The following OR2L3 variants were observed in gnomAD, a reference collection of about 807,000 sequenced individuals.
OR2L3 encodes olfactory receptor 2L3.
For synonymous variants in OR2L3, 131 were observed against 139.1 expected (o/e 0.94, Z 0.41); for missense variants, 369 against 376.6 (o/e 0.98, Z 0.17).
At chr1:248,056,385 G>A (rs1169690681) in intron 1 of OR2L3, among the ~76,000 whole-genome samples, 1 of 151,728 alleles carries the variant, frequency 6.6e-6, no homozygotes, top group Admixed American at 6.6e-5. Context: ...TATTTCTTGT[G>A]TTCTGCTAGT....
At chr1:248,058,744 A>T (rs76289694) in intron 1 of OR2L3, among the ~76,000 whole-genome samples, 24,754 of 151,906 alleles carry the variant, frequency 0.16, 2,206 homozygotes, top group East Asian at 0.27. Flanking sequence ...GAAAATTTTT[A>T]AAGAATATTA....
Position 248,063,309 on chromosome 1 carries a change from C to T in OR2L3, c.*1689C>T, listed in dbSNP as rs570075314. The T allele has an allele frequency of 5.3e-5, 8 of 152,342 alleles. No homozygotes were observed. Among genetic ancestry groups the T allele is most frequent in the South Asian group, 4.1e-4 (2 of 4,832 alleles). The allele number at this position is 152,342 out of a possible 1,614,324, so 9.4% of individuals were successfully genotyped here. A position where few individuals can be genotyped will look rare whatever the true frequency, so the allele number is the denominator to read the frequency against. ...TTCTAGTGTTCTCTTCCATGACTACCGTTAACGGTAAAGTATTACATAGTG... is the reference window on the plus strand; with the variant it reads ...TTCTAGTGTTCTCTTCCATGACTACTGTTAACGGTAAAGTATTACATAGTG... On this transcript the variant is annotated 3_prime_UTR_variant, in exon 2 of 2. Transcript: ENST00000359959.
chr1:248,048,919 C>CTTTT (rs1452819134), intron 1 of OR2L3, among the ~76,000 whole-genome samples: 2 of 138,194 alleles, frequency 1.4e-5, no homozygotes, highest in African/African-American at 6.4e-5. Flanking sequence ...CCTTTTCTCT[C>CTTTT]TCTCTTTTTT....
intron 1 of OR2L3, among the ~76,000 whole-genome samples, chr1:248,057,596 T>G (rs2103120937): frequency 6.6e-6 from 1 of 152,172 alleles, no homozygotes; most frequent in East Asian, 1.9e-4. Flanking sequence ...TGTTGACATC[T>G]TAACAGTATT....
intron 1 of OR2L3, among the ~76,000 whole-genome samples, chr1:248,058,260 A>AT (rs1174406533): frequency 1.3e-5 from 2 of 152,192 alleles, no homozygotes; most frequent in Non-Finnish European, 2.9e-5. Context: ...GTTTTCCCTC[A>AT]TATTTGTCCA....
chr1:248,057,847 G>A (rs1385167201), intron 1 of OR2L3, among the ~76,000 whole-genome samples: 1 of 152,086 alleles, frequency 6.6e-6, no homozygotes, highest in Non-Finnish European at 1.5e-5. Context: ...GTTGCATCCT[G>A]TAATTTTGCT....
chr1:248,052,952 AT>A (rs1453408035), intron 1 of OR2L3, among the ~76,000 whole-genome samples: 3 of 150,262 alleles, frequency 2.0e-5, no homozygotes, highest in Non-Finnish European at 3.0e-5. Context: ...TAATTATTTT[AT>A]TGTTTGTTTT....
intron 1 of OR2L3, among the ~76,000 whole-genome samples, chr1:248,058,614 T>A (rs1049531407): frequency 2.6e-5 from 4 of 152,124 alleles, no homozygotes; most frequent in African/African-American, 9.7e-5. Flanking sequence ...TTAGAATTTT[T>A]AGGAAATTTT....
At chr1:248,059,250 A>T (rs1663539186) in intron 1 of OR2L3, among the ~76,000 whole-genome samples, 1 of 152,184 alleles carries the variant, frequency 6.6e-6, no homozygotes, top group Non-Finnish European at 1.5e-5. Flanking sequence ...ATTTAAGCCT[A>T]AAAAACTCCA....
intron 1 of OR2L3, among the ~76,000 whole-genome samples, chr1:248,056,993 G>T (rs966617577): frequency 6.6e-6 from 1 of 152,104 alleles, no homozygotes; most frequent in African/African-American, 2.4e-5. Context: ...TTGTGCTGTG[G>T]TCTGAGAGAC....
At chr1:248,051,388 C>A (rs568418847) in intron 1 of OR2L3, 1 of 152,224 alleles carries the variant, frequency 6.6e-6, no homozygotes, top group Non-Finnish European at 1.5e-5. Context: ...ATATTGATTT[C>A]TTTGTTGATG....
At chr1:248,057,274 C>A (rs893896864) in intron 1 of OR2L3, among the ~76,000 whole-genome samples, 4 of 152,084 alleles carry the variant, frequency 2.6e-5, no homozygotes, top group African/African-American at 9.7e-5. Flanking sequence ...GGGTCTAAGT[C>A]TCTTTGTAGG....
intron 1 of OR2L3, among the ~76,000 whole-genome samples, chr1:248,050,794 A>G (rs901422278): frequency 6.6e-6 from 1 of 152,192 alleles, no homozygotes; most frequent in African/African-American, 2.4e-5. Context: ...TATTGGATTA[A>G]TCTTAATGCC....
intron 1 of OR2L3, chr1:248,051,367 A>G (rs1663259991): frequency 6.6e-6 from 1 of 152,194 alleles, no homozygotes. Flanking sequence ...TTGTATATAC[A>G]TACTATATTT....
intron 1 of OR2L3, among the ~76,000 whole-genome samples, chr1:248,049,937 T>C (rs1663205493): frequency 6.6e-6 from 1 of 152,212 alleles, no homozygotes. Flanking sequence ...TGTATGTGTG[T>C]TTGTGGATCT....
Position 248,063,397 on chromosome 1 carries a change from G to A in OR2L3, c.*1777G>A, listed in dbSNP as rs1351424945. 1.3e-5 allele frequency: 2 copies of A among 152,220 alleles called. No homozygotes were observed. The highest frequency in any genetic ancestry group is 2.9e-5 in the Non-Finnish European group (2 of 68,044). The allele number at this position is 152,220 out of a possible 1,614,324, so 9.4% of individuals were successfully genotyped here. On this transcript the variant is annotated 3_prime_UTR_variant, in exon 2 of 2. Coordinates refer to ENST00000359959, the MANE Select transcript of OR2L3 (RefSeq NM_001004687.2). ...TGGATATTTGTTTTACCATATTGTA[G>A]CAGTTAAAACATAAATTTTGAACTT...
In OR2L3 at chr1:248,061,082, G is replaced by A. The variant is rs772854571; in HGVS notation, c.401G>A (p.Arg134His). ...AICFPLHYPI[R>H]MSKRMCVLMI... The stretch of plus-strand genomic sequence containing the variant: ...TGCTTTCCTCTTCACTATCCCATCC[G>A]CATGAGCAAAAGAATGTGTGTGCTG... Residue 134 changes from arginine to histidine, a missense_variant, in exon 2 of 2, where the codon CGC (arginine) becomes CAC (histidine). By Grantham distance (29) the Arg-to-His change is conservative. Transcript: ENST00000359959. The A allele has an allele frequency of 2.2e-5, 36 of 1,613,838 alleles. No individual in the cohort carries two copies. The highest frequency in any genetic ancestry group is 2.8e-5 in the Non-Finnish European group (33 of 1,180,004).
At chr1:248,055,503 C>A (rs1663405418) in intron 1 of OR2L3, among the ~76,000 whole-genome samples, 2 of 152,042 alleles carry the variant, frequency 1.3e-5, no homozygotes, top group Admixed American at 6.6e-5. Context: ...TGCCTGTAAT[C>A]CCAGCACTCT....
chr1:248,060,726 A>G lies in OR2L3; in HGVS notation c.45A>G (p.Gly15=). Residue 15 remains glycine, a synonymous_variant, in exon 2 of 2, where the codon GGA becomes GGG. Coordinates refer to ENST00000359959, the MANE Select transcript of OR2L3 (RefSeq NM_001004687.2). The part of the protein sequence containing the change: ...NQTSTDFILL[G]FFPPSRIGLF... The stretch of plus-strand genomic sequence containing the variant: ...CATCAACTGATTTCATCTTATTAGG[A>G]TTCTTCCCACCATCAAGAATTGGCC... The G allele has an allele frequency of 6.2e-7, 1 of 1,614,012 alleles. No homozygotes were observed. The highest frequency in any genetic ancestry group is 1.3e-5 in the African/African-American group (1 of 75,014).
Sources: gnomAD v4.1 joint callset for allele counts (sites outside exome capture counted in the v4.1 genomes callset) on GRCh38, gnomAD v4.1.1 for gene constraint, MANE v1.5 for transcripts, NCBI Gene and HGNC (gene_info 2026-07-23, HGNC 2026-07-21) for gene names.